RPS6KA1: variants seen among roughly 807,000 people sequenced by gnomAD.
The protein encoded by RPS6KA1 is ribosomal protein S6 kinase alpha-1.
RPS6KA1 carries 48 observed loss-of-function variants against 91.3 expected under a neutral mutation model. That is an observed-to-expected ratio of 0.53 (90% CI 0.42 to 0.67). RPS6KA1 has a LOEUF of 0.67. Among genes scored for constraint, RPS6KA1 ranks in the 30% least tolerant of loss-of-function variants. RPS6KA1 has a pLI of 0.00. For synonymous variants in RPS6KA1, 359 were observed against 384.7 expected, an observed-to-expected ratio of 0.93 and a Z score of 0.78; for missense variants, 719 against 960.5, an observed-to-expected ratio of 0.75 and a Z score of 3.32.
rs374505864 is a variant in RPS6KA1 at position 26,558,825 on chromosome 1, C to G, written c.1103C>G (p.Pro368Arg). 2.5e-6 allele frequency: 4 copies of G among 1,611,638 alleles called. No homozygotes were observed. The highest frequency in any genetic ancestry group is 3.4e-6 in the Non-Finnish European group (4 of 1,177,978). The change falls in exon 14 of 22, where the codon CCC becomes CGC. Residue 368 changes from proline to arginine, a missense_variant. By Grantham distance (103) the Pro-to-Arg change is moderately radical. Transcript: ENST00000374168. This position sits in a 1 kb window ranked among gnomAD's most constrained non-coding sequence, Gnocchi z 4.0. ...RTPKDSPGIP[P>R]SAGAHQLFRG... ...CGTACAGATTCCCCAGGCATCCCCCCCAGCGCTGGGGCCCATCAGCTGTTC... is the reference window on the plus strand; with the variant it reads ...CGTACAGATTCCCCAGGCATCCCCCGCAGCGCTGGGGCCCATCAGCTGTTC...
At chr1:26,565,711 G>A (rs991065409) in intron 17 of RPS6KA1, among the ~76,000 whole-genome samples, 2 of 151,952 alleles carry the variant, frequency 1.3e-5, no homozygotes, top group African/African-American at 4.8e-5. Flanking sequence ...ACAGGCACCT[G>A]CCACCACATC....
intron 15 of RPS6KA1, 89 bp downstream of exon 15, chr1:26,560,940 G>C: frequency 2.5e-6 from 4 of 1,606,020 alleles, no homozygotes; most frequent in South Asian, 1.1e-5. Flanking sequence ...GAGCTCTGCA[G>C]ATGTATGAAA....
rs957329917 is a variant in RPS6KA1 at position 26,571,630 on chromosome 1, C to T, written c.1752+20C>T. The T allele has an allele frequency of 9.9e-6, 16 of 1,612,584 alleles. No homozygotes were observed. Among genetic ancestry groups the T allele is most frequent in the Non-Finnish European group, 1.4e-5 (16 of 1,179,222 alleles). ...CCTGAGGTGAGTGGCCCAGCCTCCT[C>T]AGCTGTAAGAGTGAGGGGGAATTGG... is the stretch of plus-strand genomic sequence containing the variant. On this transcript the variant is annotated intron_variant, in intron 18 of 21. Transcript: ENST00000374168. The surrounding 1 kb of genome is among the most constrained non-coding windows in gnomAD (Gnocchi z 5.1).
chr1:26,545,385 C>T (rs1248447302), intron 2 of RPS6KA1, among the ~76,000 whole-genome samples: 2 of 149,618 alleles, frequency 1.3e-5, no homozygotes, highest in Non-Finnish European at 3.0e-5. Flanking sequence ...ATCATGTTAA[C>T]CAGGATCGTC....
Position 26,554,180 on chromosome 1 carries a change from C to G in RPS6KA1, c.576-34C>G. 1 of 1,550,324 alleles carries G rather than the reference C, an allele frequency of 6.5e-7. No homozygotes were observed. Among genetic ancestry groups the G allele is most frequent in the Non-Finnish European group, 8.7e-7 (1 of 1,146,156 alleles). On this transcript the variant is annotated intron_variant, in intron 7 of 21. Transcript: ENST00000374168. The surrounding 1 kb of genome is among the most constrained non-coding windows in gnomAD (Gnocchi z 4.6). ...AACACCATCACCCACACGGCCACAG[C>G]TGAGGGGCCCTGACCACTATTTCTC...
Position 26,561,550 on chromosome 1 carries a change from C to T in RPS6KA1, c.1477C>T (p.Arg493Trp), listed in dbSNP as rs535204806. 2.2e-5 allele frequency: 35 copies of T among 1,613,834 alleles called. No individual in the cohort carries two copies. Among genetic ancestry groups the T allele is most frequent in the Non-Finnish European group, 2.7e-5 (32 of 1,179,974 alleles). The change falls in exon 17 of 22, where the codon CGG (arginine) becomes TGG (tryptophan). Residue 493 changes from arginine to tryptophan, a missense_variant. Physicochemically the swap from Arg to Trp is moderately radical, Grantham distance 101 (BLOSUM62 -3). Transcript: ENST00000374168. The surrounding 1 kb of genome is among the most constrained non-coding windows in gnomAD (Gnocchi z 5.7). Reference sequence around the variant, plus strand: ...CGTGTACCTGGTGACAGAGCTGATGCGGGGTGGGGAGCTGCTGGACAAGAT... The same window carrying T: ...CGTGTACCTGGTGACAGAGCTGATGTGGGGTGGGGAGCTGCTGGACAAGAT... Reference protein sequence around the residue: ...KHVYLVTELMRGGELLDKILR... With the variant: ...KHVYLVTELMWGGELLDKILR...
chr1:26,564,359 C>T (rs374007), intron 17 of RPS6KA1, among the ~76,000 whole-genome samples: 42,807 of 151,806 alleles, frequency 0.28, 6,898 homozygotes, highest in East Asian at 0.75. Flanking sequence ...CCCAGGTTCA[C>T]GCCATTCTCC....
At chr1:26,568,606 T>C (rs1468994232) in intron 17 of RPS6KA1, among the ~76,000 whole-genome samples, 1 of 151,938 alleles carries the variant, frequency 6.6e-6, no homozygotes, top group Non-Finnish European at 1.5e-5. Context: ...AAGAATTAGC[T>C]GGGCATGGTA....
chr1:26,564,549 C>T (rs767006451), intron 17 of RPS6KA1, among the ~76,000 whole-genome samples: 11 of 152,208 alleles, frequency 7.2e-5, no homozygotes, highest in Admixed American at 2.6e-4. Flanking sequence ...TGAGCCACCG[C>T]GCCCGGCCAC....
chr1:26,545,943 C>T (rs1442377513), intron 2 of RPS6KA1: 6 of 1,599,204 alleles, frequency 3.8e-6, no homozygotes, highest in Non-Finnish European at 5.1e-6. Flanking sequence ...GCTCTGGGCC[C>T]TGATCCCCTG....
rs908133276 is a variant in RPS6KA1, at chr1:26,546,721, A to G, written c.109-146A>G. 1.1e-5 allele frequency: 7 copies of G among 617,432 alleles called. No homozygotes were observed. In the South Asian group the frequency reaches 1.3e-4, roughly 12 times the overall value. 38.2% of individuals were successfully genotyped at this position (617,432 alleles called of 1,614,324 possible). On this transcript the variant is annotated intron_variant, in intron 2 of 21. Transcript: ENST00000374168. ...CTTTGAGGCTCTTTTGAAATCGATGACCCTGGAGGCTAGCCCTTCAGGGAA... is the reference window on the plus strand; with the variant it reads ...CTTTGAGGCTCTTTTGAAATCGATGGCCCTGGAGGCTAGCCCTTCAGGGAA...
At position 26,560,855 on chromosome 1, in the gene RPS6KA1, G is replaced by A; in HGVS notation, c.1341+4G>A. On this transcript the variant is annotated splice_donor_region_variant and intron_variant, in intron 15 of 21. Transcript: ENST00000374168. Reference sequence around the variant, plus strand: ...CAACATGGAGTATGCTGTCAAGGTGGGCCTCCTGACCACGTCTCGGCCAAG... The same window carrying A: ...CAACATGGAGTATGCTGTCAAGGTGAGCCTCCTGACCACGTCTCGGCCAAG... 1.2e-6 allele frequency: 2 copies of A among 1,614,176 alleles called. No individual in the cohort carries two copies. The highest frequency in any genetic ancestry group is 1.3e-5 in the African/African-American group (1 of 75,056).
At chr1:26,569,607 G>C (rs186167552) in intron 17 of RPS6KA1, among the ~76,000 whole-genome samples, 1 of 152,228 alleles carries the variant, frequency 6.6e-6, no homozygotes, top group African/African-American at 2.4e-5. Flanking sequence ...AGGGCTTGGA[G>C]ATCAACTGAG....
chr1:26,547,197 G>A lies in RPS6KA1; in HGVS notation c.234G>A (p.Leu78=). ...LGQGSFGKVF[L]VRKVTRPDSG... is the part of the protein sequence containing the mutation. Reference sequence around the variant, plus strand: ...CTGCTCTGCCTTCTCAGGTCTTCCTGGTGCGGAAAGTCACCCGGCCTGACA... The same window carrying A: ...CTGCTCTGCCTTCTCAGGTCTTCCTAGTGCGGAAAGTCACCCGGCCTGACA... The change falls in exon 4 of 22, where the codon CTG becomes CTA. Residue 78 remains leucine (L), a synonymous_variant. Coordinates refer to ENST00000374168, the MANE Select transcript of RPS6KA1 (RefSeq NM_002953.4). This position sits in a 1 kb window ranked among gnomAD's most constrained non-coding sequence, Gnocchi z 4.1. 6.2e-7 allele frequency: 1 copy of A among 1,614,014 alleles called. No homozygotes were observed. Among genetic ancestry groups the A allele is most frequent in the Non-Finnish European group, 8.5e-7 (1 of 1,179,996 alleles).
intron 2 of RPS6KA1, among the ~76,000 whole-genome samples, chr1:26,539,749 C>T (rs2124618226): frequency 6.6e-6 from 1 of 152,312 alleles, no homozygotes; most frequent in South Asian, 2.1e-4. Flanking sequence ...TCTGGATCCC[C>T]TCAGCACCTA....
In RPS6KA1 at chr1:26,571,502, GA is replaced by G; in HGVS notation, c.1646del (p.Asn549IlefsTer24). 1 of 1,614,200 alleles carries G rather than the reference GA, an allele frequency of 6.2e-7. No homozygotes were observed. Among genetic ancestry groups the G allele is most frequent in the Non-Finnish European group, 8.5e-7 (1 of 1,180,026 alleles). ...ACATCCTGTATGTGGACGAGTCCGG[GA>G]ATCCCGAGTGCCTGCGCATCTGTGA... ...SNILYVDESG[N>X]PECLRICDFG... On this transcript the variant is annotated frameshift_variant, in exon 18 of 22. Coordinates refer to ENST00000374168, the MANE Select transcript of RPS6KA1 (RefSeq NM_002953.4). LOFTEE classifies it high-confidence loss of function. The surrounding 1 kb of genome is among the most constrained non-coding windows in gnomAD (Gnocchi z 5.1).
At chr1:26,538,973 C>A (rs547611029) in intron 2 of RPS6KA1, among the ~76,000 whole-genome samples, 1 of 152,298 alleles carries the variant, frequency 6.6e-6, no homozygotes, top group East Asian at 1.9e-4. Flanking sequence ...ATTCGGTGCA[C>A]CCTGTTGTTC....
Position 26,555,603 on chromosome 1 carries a change from GCGGAATC to G in RPS6KA1, c.896_902del (p.Arg299LeufsTer86). On this transcript the variant is annotated frameshift_variant, in exon 11 of 22. Transcript: ENST00000374168. LOFTEE classifies it high-confidence loss of function. This position sits in a 1 kb window ranked among gnomAD's most constrained non-coding sequence, Gnocchi z 4.3. Reference sequence around the variant, plus strand: ...AGAGCCTCTTGCGGGCCCTGTTCAAGCGGAATCCTGCCAACCGGCTCGGTAAGCAGCC... The same window carrying G: ...AGAGCCTCTTGCGGGCCCTGTTCAAGCTGCCAACCGGCTCGGTAAGCAGCC... 1 of 1,600,506 alleles carries G rather than the reference GCGGAATC, an allele frequency of 6.2e-7. No individual in the cohort carries two copies. Among genetic ancestry groups the G allele is most frequent in the Non-Finnish European group, 8.5e-7 (1 of 1,172,820 alleles).
chr1:26,547,142 T>C lies in RPS6KA1; in HGVS notation c.226-47T>C. 6.3e-7 allele frequency: 1 copy of C among 1,591,042 alleles called. No homozygotes were observed. Among genetic ancestry groups the C allele is most frequent in the South Asian group, 1.1e-5 (1 of 90,606 alleles). ...AGAGAAGATAGAGGTCAGCCTGGAC[T>C]CAGACCTCTCCCATCTTCTGCCCTG... On this transcript the variant is annotated intron_variant, in intron 3 of 21. Transcript: ENST00000374168. The surrounding 1 kb of genome is among the most constrained non-coding windows in gnomAD (Gnocchi z 4.1).
Sources: allele counts gnomAD v4.1 joint callset (sites outside exome capture counted in the v4.1 genomes callset), GRCh38; gene constraint gnomAD v4.1.1; non-coding constraint Gnocchi (gnomAD v3.1); transcripts MANE v1.5; gene names NCBI Gene and HGNC (gene_info 2026-07-23, HGNC 2026-07-21).